Variants in MLLT3 observed in about 807,000 individuals in gnomAD.
MLLT3 encodes protein AF-9.
Under a neutral mutation model 53.2 loss-of-function variants are expected in MLLT3, and 4 were observed. The observed-to-expected ratio is 0.08, with a 90% CI of 0.04 to 0.17. The LOEUF (loss-of-function observed/expected upper bound fraction) is 0.17, where lower values mean the gene tolerates loss of function less well. Among genes scored for constraint, MLLT3 ranks in the 10% least tolerant of loss-of-function variants. The pLI, the probability that MLLT3 is intolerant of heterozygous loss-of-function variation, is 1.00. For synonymous variants in MLLT3, 283 were observed against 230.6 expected (o/e 1.23, Z -2.06); for missense variants, 569 against 684.0 (o/e 0.83, Z 1.87).
intron 2 of MLLT3, among the ~76,000 whole-genome samples, chr9:20,547,627 A>C (rs1818821106): frequency 7.3e-6 from 1 of 136,120 alleles, no homozygotes. Flanking sequence ...CTGGACAACA[A>C]GAGTGAAACT....
At chr9:20,420,772 C>T (rs139048113) in intron 4 of MLLT3, among the ~76,000 whole-genome samples, 11 of 152,008 alleles carry the variant, frequency 7.2e-5, no homozygotes, top group Non-Finnish European at 1.3e-4. Flanking sequence ...TGTATACATG[C>T]GCCATGTTGG....
chr9:20,470,151 A>G (rs992914926), intron 2 of MLLT3, among the ~76,000 whole-genome samples: 1 of 152,074 alleles, frequency 6.6e-6, no homozygotes, highest in African/African-American at 2.4e-5. Context: ...TATTTAACTA[A>G]AAGATGAACA....
intron 2 of MLLT3, among the ~76,000 whole-genome samples, chr9:20,546,807 C>T (rs1282341445): frequency 6.6e-6 from 1 of 152,226 alleles, no homozygotes; most frequent in East Asian, 1.9e-4. Context: ...GGGATCGAGG[C>T]TCTTTGTTTC....
intron 2 of MLLT3, chr9:20,533,053 C>T (rs2118998738): frequency 3.9e-6 from 1 of 258,550 alleles, no homozygotes; most frequent in Non-Finnish European, 7.6e-6. Flanking sequence ...ATTGAGCTGG[C>T]TGTCTTCCTG....
At chr9:20,565,203 T>G (rs912898064) in intron 2 of MLLT3, among the ~76,000 whole-genome samples, 5 of 152,102 alleles carry the variant, frequency 3.3e-5, no homozygotes, top group African/African-American at 1.2e-4. Flanking sequence ...CACTGAGTAT[T>G]TGTTTACAAT....
chr9:20,622,135 C>T (rs890605543), intron 1 of MLLT3, 110 bp downstream of exon 1: 11 of 1,283,106 alleles, frequency 8.6e-6, no homozygotes, highest in Non-Finnish European at 1.2e-5. Flanking sequence ...GCCGTACCAA[C>T]CTTTCTCTAA....
At chr9:20,526,425 T>C (rs763495523) in intron 2 of MLLT3, among the ~76,000 whole-genome samples, 2 of 152,182 alleles carry the variant, frequency 1.3e-5, no homozygotes, top group Non-Finnish European at 2.9e-5. Flanking sequence ...AACAGAAGCA[T>C]AGAATACACA....
At chr9:20,405,081 T>C (rs1207041031) in intron 5 of MLLT3, among the ~76,000 whole-genome samples, 1 of 152,194 alleles carries the variant, frequency 6.6e-6, no homozygotes, top group Non-Finnish European at 1.5e-5. Flanking sequence ...GTAGTAACAC[T>C]GGCCATGTCC....
rs200872402 is a variant in MLLT3, at chr9:20,521,337, A to C, written c.194-64551T>G. Among the ~76,000 whole-genome samples, 6 of 152,156 alleles carry C rather than the reference A, an allele frequency of 3.9e-5. No individual in the cohort carries two copies. In the South Asian group the frequency reaches 1.2e-3, roughly 32 times the overall value. ...CTGCCCACCTTGGCCTCCCAAAGTG[A>C]TGGGATTACAGGCATGAGCCACTGC... On this transcript the variant is annotated intron_variant, in intron 2 of 10. Transcript: ENST00000380338.
intron 4 of MLLT3, among the ~76,000 whole-genome samples, chr9:20,423,509 G>A (rs1373593038): frequency 6.6e-6 from 1 of 151,878 alleles, no homozygotes; most frequent in Non-Finnish European, 1.5e-5. Flanking sequence ...AACCAACCAC[G>A]GACCAAGAAT....
intron 5 of MLLT3, among the ~76,000 whole-genome samples, chr9:20,366,198 T>C (rs562924162): frequency 6.6e-6 from 1 of 152,252 alleles, no homozygotes; most frequent in Admixed American, 6.5e-5. Context: ...ATCCCTCCCC[T>C]AGCCCCTGAC....
chr9:20,495,908 C>T lies in MLLT3; in HGVS notation c.194-39122G>A, dbSNP rs550773723. ...CTCACAGTAGACAGTCAATGTTATA[C>T]CTGTAACAAAGGGTCCTCATAATTT... On this transcript the variant is annotated intron_variant, in intron 2 of 10. Transcript: ENST00000380338. Among the ~76,000 whole-genome samples the T allele has an allele frequency of 1.7e-4, 26 of 152,234 alleles. 1 individual carries two copies. In the South Asian group the frequency reaches 5.4e-3, roughly 32 times the overall value.
At chr9:20,404,087 C>A (rs1822522486) in intron 5 of MLLT3, among the ~76,000 whole-genome samples, 1 of 152,102 alleles carries the variant, frequency 6.6e-6, no homozygotes, top group South Asian at 2.1e-4. Flanking sequence ...TCCCAAAGTG[C>A]CGGGACTACA....
intron 2 of MLLT3, among the ~76,000 whole-genome samples, chr9:20,524,115 A>G (rs1818139687): frequency 6.6e-6 from 1 of 152,068 alleles, no homozygotes; most frequent in African/African-American, 2.4e-5. Flanking sequence ...ATAATGGTGG[A>G]TAGATGTCAT....
intron 5 of MLLT3, among the ~76,000 whole-genome samples, chr9:20,366,825 C>G (rs932806587): frequency 6.6e-6 from 1 of 152,192 alleles, no homozygotes; most frequent in Admixed American, 6.5e-5. Flanking sequence ...TGAAAAAAAG[C>G]TCATCATTAC....
At chr9:20,536,259 C>G (rs1818482197) in intron 2 of MLLT3, among the ~76,000 whole-genome samples, 1 of 152,078 alleles carries the variant, frequency 6.6e-6, no homozygotes, top group Non-Finnish European at 1.5e-5. Flanking sequence ...AAGAAAATGG[C>G]TTTGTGGTAT....
chr9:20,492,324 C>T (rs559826329), intron 2 of MLLT3, among the ~76,000 whole-genome samples: 1 of 152,012 alleles, frequency 6.6e-6, no homozygotes, highest in Admixed American at 6.6e-5. Context: ...CTCTGCAAAA[C>T]TGAATGGGCT....
At chr9:20,504,636 T>C (rs1825340999) in intron 2 of MLLT3, among the ~76,000 whole-genome samples, 1 of 151,994 alleles carries the variant, frequency 6.6e-6, no homozygotes, top group African/African-American at 2.4e-5. Flanking sequence ...AAATTTCACT[T>C]GATAAGAGGA....
At chr9:20,563,707 C>G (rs1357715116) in intron 2 of MLLT3, among the ~76,000 whole-genome samples, 1 of 152,074 alleles carries the variant, frequency 6.6e-6, no homozygotes, top group Non-Finnish European at 1.5e-5. Flanking sequence ...CTTGTCTATA[C>G]CTCTTGGCCA....
Sources: gnomAD v4.1 joint callset for allele counts (sites outside exome capture counted in the v4.1 genomes callset) on GRCh38, gnomAD v4.1.1 for gene constraint, MANE v1.5 for transcripts, NCBI Gene and HGNC (gene_info 2026-07-23, HGNC 2026-07-21) for gene names.